Variants in GALNT13 observed in about 807,000 individuals in gnomAD.
GALNT13 encodes polypeptide N-acetylgalactosaminyltransferase 13.
In GALNT13, 28 loss-of-function variants were observed where a neutral mutation model predicts 64.2. The ratio of observed to expected loss-of-function variants is 0.44; its 90% confidence interval spans 0.32 to 0.60. The LOEUF (loss-of-function observed/expected upper bound fraction) is 0.60, where lower values mean the gene tolerates loss of function less well. Ranked by LOEUF, GALNT13 falls within the 20% of genes least tolerant of loss-of-function variation. The pLI, the probability that GALNT13 is intolerant of heterozygous loss-of-function variation, is 0.05. For missense variants in GALNT13, 577 were observed against 669.8 expected (o/e 0.86, Z 1.53); for synonymous variants, 214 against 224.6 (o/e 0.95, Z 0.42).
chr2:153,072,909 C>T, the GALNT13 span, among the ~76,000 whole-genome samples: 1 of 152,180 alleles, frequency 6.6e-6, no homozygotes, highest in Admixed American at 6.5e-5. Context: ...GCACTATCTT[C>T]TATTGAGCAT....
chr2:153,618,186 C>T, the GALNT13 span, among the ~76,000 whole-genome samples: 3 of 151,748 alleles, frequency 2.0e-5, no homozygotes, highest in South Asian at 2.1e-4. Context: ...CTGAGTGCTG[C>T]TTTTGCTGTA....
At chr2:153,536,940 G>A in the GALNT13 span, among the ~76,000 whole-genome samples, 1 of 152,224 alleles carries the variant, frequency 6.6e-6, no homozygotes. Context: ...GGCTTTGACA[G>A]TATTTGACAC....
intron 1 of GALNT13, among the ~76,000 whole-genome samples, chr2:153,895,839 G>T (rs1439353764): frequency 1.3e-5 from 2 of 151,592 alleles, no homozygotes; most frequent in Non-Finnish European, 2.9e-5. Context: ...ACTTCTTTTT[G>T]CCACAAATAT....
rs149527496 is a variant in GALNT13, at chr2:154,142,838, GTA to G, written c.311+2349_311+2350del. 9.6e-3 allele frequency among the ~76,000 whole-genome samples: 1,378 copies of G among 143,830 alleles called. 10 individuals carry two copies. Among genetic ancestry groups the G allele is most frequent in the Non-Finnish European group, 0.014 (879 of 64,482 alleles). The allele number at this position is 143,830 out of a possible 152,430, so 94.4% of individuals were successfully genotyped here. A position where few individuals can be genotyped will look rare whatever the true frequency, so the allele number is the denominator to read the frequency against. The stretch of plus-strand genomic sequence containing the variant: ...CCTGTGCATATGTGTGTGTGTGTGT[GTA>G]TATATATATATATATTTGTTTGTAT... On this transcript the variant is annotated intron_variant, in intron 4 of 12. Transcript: ENST00000392825.
In GALNT13 at chr2:154,120,317, C is replaced by T. The variant is rs550896324; in HGVS notation, c.143-20020C>T. Among the ~76,000 whole-genome samples the T allele has an allele frequency of 9.2e-5, 14 of 152,282 alleles. No homozygotes were observed. The South Asian group carries it at 1.0e-3, about 11-fold the overall frequency. ...GCTGGTCACAGCATATATTACCTGG[C>T]TGGGCAATTCTGCTCTTTGCAATCT... On this transcript the variant is annotated intron_variant, in intron 3 of 12. Transcript: ENST00000392825.
At chr2:154,391,916 T>G (rs1440523086) in intron 9 of GALNT13, among the ~76,000 whole-genome samples, 4 of 152,060 alleles carry the variant, frequency 2.6e-5, no homozygotes, top group African/African-American at 9.7e-5. Context: ...TGAGAGAAAG[T>G]GATCAATTTT....
chr2:153,909,884 A>G (rs748593642), intron 2 of GALNT13, among the ~76,000 whole-genome samples: 1 of 151,888 alleles, frequency 6.6e-6, no homozygotes, highest in Non-Finnish European at 1.5e-5. Context: ...TTTGGCCTGA[A>G]GTTTTCTCTT....
chr2:154,395,970 T>C (rs748716730), intron 9 of GALNT13, 21 bp from the exon 10 acceptor site: 39 of 1,577,028 alleles, frequency 2.5e-5, no homozygotes, highest in Non-Finnish European at 3.3e-5. Context: ...AACTGATTTG[T>C]GTTTCTCTGA....
chr2:154,363,071 G>GT (rs1232455639), intron 9 of GALNT13, among the ~76,000 whole-genome samples: 33 of 152,160 alleles, frequency 2.2e-4, no homozygotes, highest in Non-Finnish European at 3.7e-4. Flanking sequence ...TTCAAAACTT[G>GT]TTTTTTTCTC....
the GALNT13 span, among the ~76,000 whole-genome samples, chr2:153,295,576 G>C: frequency 6.6e-5 from 10 of 151,418 alleles, no homozygotes; most frequent in African/African-American, 2.4e-4. Flanking sequence ...GATCCTCTGG[G>C]TATGGAATTT....
chr2:153,996,250 A>G (rs979768239), intron 3 of GALNT13, among the ~76,000 whole-genome samples: 10 of 152,166 alleles, frequency 6.6e-5, no homozygotes, highest in African/African-American at 9.6e-5. Flanking sequence ...AGGAACTTCT[A>G]TACTATTTTT....
chr2:153,693,524 T>C, the GALNT13 span, among the ~76,000 whole-genome samples: 1 of 152,124 alleles, frequency 6.6e-6, no homozygotes, highest in East Asian at 1.9e-4. Context: ...AAGGTTTATT[T>C]TGCCAAGGTT....
chr2:153,212,500 G>T, the GALNT13 span, among the ~76,000 whole-genome samples: 4 of 152,120 alleles, frequency 2.6e-5, no homozygotes, highest in Non-Finnish European at 5.9e-5. Context: ...GAGAGAAAAA[G>T]AAATAGAGGA....
At chr2:153,432,539 A>G in the GALNT13 span, among the ~76,000 whole-genome samples, 1 of 152,170 alleles carries the variant, frequency 6.6e-6, no homozygotes, top group African/African-American at 2.4e-5. Flanking sequence ...TGACCCTACA[A>G]GTTGACAAGT....
the GALNT13 span, among the ~76,000 whole-genome samples, chr2:153,684,424 A>G: frequency 6.6e-6 from 1 of 151,300 alleles, no homozygotes; most frequent in Non-Finnish European, 1.5e-5. Context: ...TAATGTAACT[A>G]TTTTTTTTCT....
intron 9 of GALNT13, among the ~76,000 whole-genome samples, chr2:154,373,601 G>GAT (rs1288083664): frequency 2.0e-5 from 3 of 152,142 alleles, no homozygotes; most frequent in Non-Finnish European, 4.4e-5. Context: ...GCCCTCAAAA[G>GAT]ATCTTGTATA....
At chr2:153,093,358 C>T in the GALNT13 span, among the ~76,000 whole-genome samples, 1 of 151,522 alleles carries the variant, frequency 6.6e-6, no homozygotes, top group Admixed American at 6.6e-5. Flanking sequence ...CCTACCTCAG[C>T]CTCTCGAGTA....
the GALNT13 span, among the ~76,000 whole-genome samples, chr2:153,186,556 G>T: frequency 6.6e-6 from 1 of 151,710 alleles, no homozygotes. Flanking sequence ...TCACTGGTCT[G>T]TGTACTTCAG....
At chr2:153,852,817 T>C in the GALNT13 span, among the ~76,000 whole-genome samples, 1 of 152,122 alleles carries the variant, frequency 6.6e-6, no homozygotes, top group Non-Finnish European at 1.5e-5. Context: ...GAAATGAAAG[T>C]ATATATCCAC....
Sources: allele counts gnomAD v4.1 joint callset (sites outside exome capture counted in the v4.1 genomes callset), GRCh38; gene constraint gnomAD v4.1.1; transcripts MANE v1.5; gene names NCBI Gene and HGNC (gene_info 2026-07-23, HGNC 2026-07-21).